Variants in ST8SIA1 observed in about 807,000 individuals in gnomAD.
The protein encoded by ST8SIA1 is alpha-N-acetylneuraminide alpha-2,8-sialyltransferase.
ST8SIA1 carries 16 observed loss-of-function variants against 35.9 expected under a neutral mutation model. That is an observed-to-expected ratio of 0.45 (90% CI 0.30 to 0.68). ST8SIA1 has a LOEUF of 0.68. Ranked by LOEUF, ST8SIA1 falls within the 30% of genes least tolerant of loss-of-function variation. The probability of loss-of-function intolerance (pLI) is 0.09; values close to 1 mark genes in which losing one functional copy is unlikely to be tolerated. For missense variants in ST8SIA1, 383 were observed against 453.6 expected (o/e 0.84, Z 1.41); for synonymous variants, 170 against 169.6 (o/e 1.00, Z -0.02).
In ST8SIA1 at chr12:22,195,212, A is replaced by AAAAAAAAAG. The variant is rs66861803; in HGVS notation, c.*6339_*6340insCTTTTTTTT. ...ACAAAAAAAAAAAAAAAAAAAAAAA[A>AAAAAAAAAG]GAAAGAAAGAAAGAAAGGAAAAAGA... is the stretch of plus-strand genomic sequence containing the variant. On this transcript the variant is annotated 3_prime_UTR_variant, in exon 5 of 5. Transcript: ENST00000396037. 3 of 127,166 alleles carry AAAAAAAAAG rather than the reference A, an allele frequency of 2.4e-5. No individual in the cohort carries two copies. Among genetic ancestry groups the AAAAAAAAAG allele is most frequent in the African/African-American group, 6.0e-5 (2 of 33,564 alleles). The allele number at this position is 127,166 out of a possible 1,614,324, so 7.9% of individuals were successfully genotyped here. A position where few individuals can be genotyped will look rare whatever the true frequency, so the allele number is the denominator to read the frequency against.
At chr12:22,329,572 A>G (rs1866731907) in intron 1 of ST8SIA1, among the ~76,000 whole-genome samples, 1 of 152,118 alleles carries the variant, frequency 6.6e-6, no homozygotes, top group African/African-American at 2.4e-5. Context: ...ATAAACCCCC[A>G]ACTTACAAAC....
chr12:22,260,874 GTTT>G (rs757887864), intron 2 of ST8SIA1, among the ~76,000 whole-genome samples: 16 of 114,368 alleles, frequency 1.4e-4, no homozygotes, highest in South Asian at 8.6e-4. Context: ...TATAGTTGTT[GTTT>G]TTTTTTTTTT....
At chr12:22,267,812 G>T (rs914227925) in intron 2 of ST8SIA1, among the ~76,000 whole-genome samples, 2 of 152,126 alleles carry the variant, frequency 1.3e-5, no homozygotes, top group African/African-American at 2.4e-5. Flanking sequence ...TGCCCTACAC[G>T]ATACAATTCA....
chr12:22,332,492 T>A (rs924410042), intron 1 of ST8SIA1, among the ~76,000 whole-genome samples: 1 of 152,242 alleles, frequency 6.6e-6, no homozygotes, highest in Non-Finnish European at 1.5e-5. Flanking sequence ...ATGAAAGTGC[T>A]TTCTGTCTTT....
intron 1 of ST8SIA1, among the ~76,000 whole-genome samples, chr12:22,301,750 T>G (rs1009583026): frequency 6.6e-6 from 1 of 152,164 alleles, no homozygotes; most frequent in African/African-American, 2.4e-5. Context: ...TCTATGCAGT[T>G]CCTGTACAGG....
intron 2 of ST8SIA1, among the ~76,000 whole-genome samples, chr12:22,257,004 A>T (rs1224340053): frequency 6.6e-6 from 1 of 152,228 alleles, no homozygotes; most frequent in Admixed American, 6.5e-5. Context: ...CAAAGTGCCT[A>T]CTATGCGTCA....
In ST8SIA1 at chr12:22,230,809, C is replaced by A. The variant is rs375273291; in HGVS notation, c.584+18197G>T. ...GGACGGGGCTCTTGGAACCAAGGAACACCACATCACTGGGAATGGGAGCAA... is the reference window on the plus strand; with the variant it reads ...GGACGGGGCTCTTGGAACCAAGGAAAACCACATCACTGGGAATGGGAGCAA... On this transcript the variant is annotated intron_variant, in intron 4 of 4. Coordinates refer to ENST00000396037, the MANE Select transcript of ST8SIA1 (RefSeq NM_003034.4). Among the ~76,000 whole-genome samples the A allele has an allele frequency of 5.9e-5, 9 of 152,222 alleles. No individual in the cohort carries two copies. In the East Asian group the frequency reaches 1.2e-3, roughly 20 times the overall value.
chr12:22,218,634 A>AATAAATAAATAAATAAATAAATAAATAC (rs1565569736), intron 4 of ST8SIA1, among the ~76,000 whole-genome samples: 14 of 151,462 alleles, frequency 9.2e-5, no homozygotes, highest in African/African-American at 3.1e-4. Flanking sequence ...TAAATAAATA[A>AATAAATAAATAAATAAATAAATAAATAC]ATACAAAAAG....
At chr12:22,277,361 G>A (rs991508957) in intron 2 of ST8SIA1, among the ~76,000 whole-genome samples, 2 of 148,292 alleles carry the variant, frequency 1.3e-5, no homozygotes, top group East Asian at 2.0e-4. Context: ...ATTCATAATA[G>A]TGAACTTTTT....
At chr12:22,307,470 C>A (rs1382561808) in intron 1 of ST8SIA1, among the ~76,000 whole-genome samples, 2 of 152,172 alleles carry the variant, frequency 1.3e-5, no homozygotes, top group African/African-American at 2.4e-5. Flanking sequence ...GCTAATGTCC[C>A]AAGTCCAGTG....
At chr12:22,287,542 TC>T (rs1866116365) in intron 1 of ST8SIA1, among the ~76,000 whole-genome samples, 1 of 151,914 alleles carries the variant, frequency 6.6e-6, no homozygotes, top group African/African-American at 2.4e-5. Context: ...TAGATTGTGT[TC>T]AGATTCAGGT....
At chr12:22,243,286 T>A (rs1865560422) in intron 4 of ST8SIA1, among the ~76,000 whole-genome samples, 1 of 152,190 alleles carries the variant, frequency 6.6e-6, no homozygotes, top group Admixed American at 6.5e-5. Flanking sequence ...GCCCAACAAG[T>A]TTAATTTTTC....
chr12:22,325,738 G>A, intron 1 of ST8SIA1: 1 of 623,044 alleles, frequency 1.6e-6, no homozygotes, highest in African/African-American at 1.8e-5. Flanking sequence ...TATAAATTAG[G>A]CACAGTAAGA....
intron 1 of ST8SIA1, among the ~76,000 whole-genome samples, chr12:22,324,181 G>A (rs899991451): frequency 2.6e-5 from 4 of 152,266 alleles, no homozygotes; most frequent in Admixed American, 6.5e-5. Flanking sequence ...TTATGCAAGC[G>A]TTAAAATGTA....
At chr12:22,308,020 G>A (rs570699767) in intron 1 of ST8SIA1, among the ~76,000 whole-genome samples, 1 of 152,202 alleles carries the variant, frequency 6.6e-6, no homozygotes, top group East Asian at 1.9e-4. Context: ...CAAATTCCTG[G>A]GCTCAAGTGA....
At position 22,261,634 on chromosome 12, in the gene ST8SIA1, G is replaced by A. The variant is rs552991018; in HGVS notation, c.382-6245C>T. 1.5e-4 allele frequency among the ~76,000 whole-genome samples: 23 copies of A among 152,018 alleles called. No homozygotes were observed. The South Asian group carries it at 2.9e-3, about 19-fold the overall frequency. On this transcript the variant is annotated intron_variant, in intron 2 of 4. Coordinates refer to ENST00000396037, the MANE Select transcript of ST8SIA1 (RefSeq NM_003034.4). ...ATCTAATCCATTCTCAGCAGTTTCCGGACCTAAAATGGCATTTCCTTATAT... is the reference window on the plus strand; with the variant it reads ...ATCTAATCCATTCTCAGCAGTTTCCAGACCTAAAATGGCATTTCCTTATAT...
intron 1 of ST8SIA1, among the ~76,000 whole-genome samples, chr12:22,316,723 C>T (rs1334771451): frequency 6.6e-6 from 1 of 152,024 alleles, no homozygotes; most frequent in Admixed American, 6.5e-5. Context: ...AAAACGTCTA[C>T]TACATTCCCT....
intron 3 of ST8SIA1, 131 bp from the exon 4 acceptor site, chr12:22,249,229 T>G (rs1244464505): frequency 1.1e-5 from 7 of 659,992 alleles, no homozygotes; most frequent in African/African-American, 5.6e-5. Context: ...TGTTTTTTTT[T>G]TTTTTTTGAG....
chr12:22,280,696 G>C (rs569607650), intron 2 of ST8SIA1, among the ~76,000 whole-genome samples: 1 of 152,310 alleles, frequency 6.6e-6, no homozygotes, highest in Admixed American at 6.5e-5. Flanking sequence ...ACATCTTAAA[G>C]TTCCCATCAG....
Sources: gnomAD v4.1 joint callset for allele counts (sites outside exome capture counted in the v4.1 genomes callset) on GRCh38, gnomAD v4.1.1 for gene constraint, MANE v1.5 for transcripts, NCBI Gene and HGNC (gene_info 2026-07-23, HGNC 2026-07-21) for gene names.